ZNF248: variants seen among roughly 807,000 people sequenced by gnomAD.
ZNF248 encodes the protein KRAB protein domain.
Under a neutral mutation model 44.3 loss-of-function variants are expected in ZNF248, and 20 were observed. The observed-to-expected ratio is 0.45, with a 90% confidence interval of 0.32 to 0.66. The LOEUF is 0.66. Among genes scored for constraint, ZNF248 ranks in the 30% least tolerant of loss-of-function variants. ZNF248 has a pLI of 0.04. For synonymous variants in ZNF248, 224 were observed against 229.0 expected (o/e 0.98, Z 0.20); for missense variants, 654 against 677.0 (o/e 0.97, Z 0.38).
chr10:37,769,085 C>A, the ZNF248 span, among the ~76,000 whole-genome samples: 3 of 152,274 alleles, frequency 2.0e-5, no homozygotes, highest in East Asian at 5.8e-4. Context: ...GAAGTTGAAT[C>A]TCTGAATAGA....
At chr10:37,760,384 C>T in the ZNF248 span, among the ~76,000 whole-genome samples, 35 of 152,094 alleles carry the variant, frequency 2.3e-4, no homozygotes, top group Non-Finnish European at 1.5e-5. Context: ...GCACAAGCCA[C>T]CAGGCCCAGA....
rs1287016988 is a variant in ZNF248 at position 37,857,567 on chromosome 10, T to A, written c.-508A>T. 4 of 152,282 alleles carry A rather than the reference T, an allele frequency of 2.6e-5. No individual in the cohort carries two copies. Among genetic ancestry groups the A allele is most frequent in the Non-Finnish European group, 4.4e-5 (3 of 68,098 alleles). The allele number at this position is 152,282 out of a possible 1,614,324, so 9.4% of individuals were successfully genotyped here. ...TCTCCCGTGGATAATTGTGTCTAAT[T>A]CATTTGTCGCGGACCTGGCGCAGTC... On this transcript the variant is annotated 5_prime_UTR_variant, in exon 1 of 6. Transcript: ENST00000395867.
At chr10:37,774,124 T>G (rs907121640), downstream of ZNF248, among the ~76,000 whole-genome samples, 1 of 152,128 alleles carries the variant, frequency 6.6e-6, no homozygotes, top group African/African-American at 2.4e-5. Flanking sequence ...TCCATTTCCC[T>G]CCTTCTCTCC....
intron 6 of ZNF248, among the ~76,000 whole-genome samples, chr10:37,790,791 A>C (rs1589112672): frequency 6.6e-6 from 1 of 150,738 alleles, no homozygotes; most frequent in East Asian, 1.9e-4. Context: ...GTGAGTGTGC[A>C]CTCCTGTAGC....
At chr10:37,775,716 C>A (rs538348692), downstream of ZNF248, among the ~76,000 whole-genome samples, 82 of 152,298 alleles carry the variant, frequency 5.4e-4, no homozygotes, top group Middle Eastern at 3.4e-3. Flanking sequence ...GACAAATTGT[C>A]ACCTGCCATG....
At chr10:37,780,781 C>T (rs895557590) in intron 6 of ZNF248, among the ~76,000 whole-genome samples, 1 of 152,144 alleles carries the variant, frequency 6.6e-6, no homozygotes, top group Admixed American at 6.5e-5. Context: ...GCTCCCACTG[C>T]CCCCGAGCCG....
intron 3 of ZNF248, among the ~76,000 whole-genome samples, chr10:37,848,010 C>A (rs886942509): frequency 2.6e-5 from 4 of 152,200 alleles, no homozygotes; most frequent in Admixed American, 2.0e-4. Flanking sequence ...GTGGCTCACG[C>A]CTGTAATCCC....
chr10:37,772,870 A>G (rs1266118061), downstream of ZNF248, among the ~76,000 whole-genome samples: 1 of 152,242 alleles, frequency 6.6e-6, no homozygotes, highest in South Asian at 2.1e-4. Flanking sequence ...AGCCACCTAC[A>G]TGAATCAAAC....
At chr10:37,851,598 A>C (rs1312387337) in intron 3 of ZNF248, among the ~76,000 whole-genome samples, 1 of 151,424 alleles carries the variant, frequency 6.6e-6, no homozygotes. Flanking sequence ...TTCTTAATCT[A>C]TCTCTTGTTA....
the ZNF248 span, among the ~76,000 whole-genome samples, chr10:37,763,388 C>A: frequency 6.6e-6 from 1 of 152,202 alleles, no homozygotes; most frequent in Admixed American, 6.5e-5. Flanking sequence ...TCTCCCTAAG[C>A]AAACCTTTTG....
chr10:37,797,436 A>C (rs2049284867), intron 6 of ZNF248, among the ~76,000 whole-genome samples: 1 of 152,180 alleles, frequency 6.6e-6, no homozygotes, highest in Non-Finnish European at 1.5e-5. Flanking sequence ...TGAGCTACCA[A>C]AGAAAAAATG....
the ZNF248 span, among the ~76,000 whole-genome samples, chr10:37,769,383 G>T: frequency 1.3e-5 from 2 of 152,008 alleles, no homozygotes; most frequent in East Asian, 3.9e-4. Flanking sequence ...ATAAAATACT[G>T]GCAAACCGAA....
rs2048400836 is a variant in ZNF248 at position 37,790,657 on chromosome 10, C to CACT, written c.331-14083_331-14082insAGT. Reference sequence around the variant, plus strand: ...CCTGGGAGGCAGTGGTTGCAGTGAGCCGAGATGGCATCACTGCACTCCAGC... The same window carrying CACT: ...CCTGGGAGGCAGTGGTTGCAGTGAGCACTCGAGATGGCATCACTGCACTCCAGC... On this transcript the variant is annotated intron_variant, in intron 6 of 6. Transcript: ENST00000615949. Among the ~76,000 whole-genome samples, 14 of 151,890 alleles carry CACT rather than the reference C, an allele frequency of 9.2e-5. No homozygotes were observed. In the East Asian group the frequency reaches 2.7e-3, roughly 29 times the overall value.
intron 6 of ZNF248, among the ~76,000 whole-genome samples, chr10:37,813,968 T>TTAA (rs1163803448): frequency 6.6e-6 from 1 of 152,232 alleles, no homozygotes; most frequent in Non-Finnish European, 1.5e-5. Flanking sequence ...TTGGTTTTAT[T>TTAA]TAATCCATTC....
chr10:37,767,906 G>A, the ZNF248 span, among the ~76,000 whole-genome samples: 9,124 of 152,148 alleles, frequency 0.06, 355 homozygotes, highest in Middle Eastern at 0.095. Context: ...ACACACATAG[G>A]CTCAAAATAA....
chr10:37,782,077 T>C (rs2047385620), intron 6 of ZNF248, among the ~76,000 whole-genome samples: 1 of 152,230 alleles, frequency 6.6e-6, no homozygotes, highest in Non-Finnish European at 1.5e-5. Flanking sequence ...CCATTAAATA[T>C]TACCTGGTTC....
the ZNF248 span, among the ~76,000 whole-genome samples, chr10:37,769,767 G>T: frequency 1.3e-5 from 2 of 152,186 alleles, no homozygotes; most frequent in Non-Finnish European, 2.9e-5. Flanking sequence ...TGGAAGTTCT[G>T]GCCAGGGCAA....
intron 6 of ZNF248, among the ~76,000 whole-genome samples, chr10:37,785,921 A>G (rs1326142766): frequency 6.6e-6 from 1 of 152,238 alleles, no homozygotes; most frequent in African/African-American, 2.4e-5. Context: ...GGTAGTGCAC[A>G]CAAATTGTGC....
chr10:37,828,969 T>C lies in ZNF248; in HGVS notation c.*2646A>G, dbSNP rs907519799. Reference sequence around the variant, plus strand: ...AGCAGAACAAACAGAAACACTTAACTTGCAACTAGTAGAATAACTTTATTT... The same window carrying C: ...AGCAGAACAAACAGAAACACTTAACCTGCAACTAGTAGAATAACTTTATTT... On this transcript the variant is annotated 3_prime_UTR_variant, in exon 6 of 6. Transcript: ENST00000395867. The C allele has an allele frequency of 3.0e-6, 3 of 985,336 alleles. No homozygotes were observed. In the African/African-American group the frequency reaches 5.2e-5, roughly 17 times the overall value. The allele number at this position is 985,336 out of a possible 1,614,324, so 61.0% of individuals were successfully genotyped here. A position where few individuals can be genotyped will look rare whatever the true frequency, so the allele number is the denominator to read the frequency against.
Sources: allele counts gnomAD v4.1 joint callset (sites outside exome capture counted in the v4.1 genomes callset), GRCh38; gene constraint gnomAD v4.1.1; transcripts MANE v1.5; gene names NCBI Gene and HGNC (gene_info 2026-07-23, HGNC 2026-07-21).